Variants in USP36 observed in about 807,000 individuals in gnomAD.
USP36 encodes ubiquitin specific peptidase 36.
A neutral mutation model predicts 111.5 loss-of-function variants in USP36; 59 were observed. That is an observed-to-expected ratio of 0.53 (90% confidence interval 0.43 to 0.66). The LOEUF is 0.66. USP36 is among the 30% of genes least tolerant of loss of function. The probability of loss-of-function intolerance (pLI) is 0.00; values close to 1 mark genes in which losing one functional copy is unlikely to be tolerated. For synonymous variants in USP36, 628 were observed against 581.0 expected, an observed-to-expected ratio of 1.08 and a Z score of -1.16; for missense variants, 1,488 against 1,468.0, an observed-to-expected ratio of 1.01 and a Z score of -0.22.
Position 78,814,577 on chromosome 17 carries a change from C to G in USP36, c.1024-25G>C, listed in dbSNP as rs375216304. On this transcript the variant is annotated intron_variant, in intron 10 of 20. Transcript: ENST00000449938. Reference sequence around the variant, plus strand: ...CCTGTTTGAAAAATCAAGGAAAAGACAAATAAAATTCACTTTGAGAGTAAA... The same window carrying G: ...CCTGTTTGAAAAATCAAGGAAAAGAGAAATAAAATTCACTTTGAGAGTAAA... 3.9e-5 allele frequency: 62 copies of G among 1,604,900 alleles called. 1 individual carries two copies. In the East Asian group the frequency reaches 1.3e-3, roughly 33 times the overall value.
Position 78,804,625 on chromosome 17 carries a change from T to TAA in USP36, c.2217-649_2217-648dup, listed in dbSNP as rs35371422. On this transcript the variant is annotated intron_variant, in intron 15 of 20. Coordinates refer to ENST00000449938, the MANE Select transcript of USP36 (RefSeq NM_001385174.1). ...CTTAAAATAACTGATCCCTGAGATT[T>TAA]AAAAAAAAAAAAAAAAAAAAAAAAA... Among the ~76,000 whole-genome samples the TAA allele has an allele frequency of 4.8e-3, 185 of 38,348 alleles. 7 individuals are homozygous for TAA. Among genetic ancestry groups the TAA allele is most frequent in the African/African-American group, 0.019 (157 of 8,360 alleles). 25.2% of individuals were successfully genotyped at this position (38,348 alleles called of 152,430 possible). A position where few individuals can be genotyped will look rare whatever the true frequency, so the allele number is the denominator to read the frequency against.
chr17:78,825,083 C>A (rs2067415079), intron 6 of USP36, among the ~76,000 whole-genome samples: 1 of 152,166 alleles, frequency 6.6e-6, no homozygotes, highest in Non-Finnish European at 1.5e-5. Flanking sequence ...CTATTCCAAA[C>A]AGATGAAGGG....
intron 10 of USP36, among the ~76,000 whole-genome samples, chr17:78,816,572 G>A (rs761567636): frequency 1.3e-5 from 2 of 151,872 alleles, no homozygotes; most frequent in African/African-American, 4.8e-5. Flanking sequence ...ATTGCAGTGA[G>A]CTGAGATGGT....
At chr17:78,836,036 T>C in intron 3 of USP36, 75 bp downstream of exon 3, 2 of 1,559,002 alleles carry the variant, frequency 1.3e-6, no homozygotes, top group South Asian at 2.4e-5. Context: ...TCCTACTAAT[T>C]AGTCAATATT....
intron 15 of USP36, among the ~76,000 whole-genome samples, chr17:78,805,458 AG>A (rs1399868366): frequency 6.6e-6 from 1 of 152,154 alleles, no homozygotes; most frequent in Non-Finnish European, 1.5e-5. Context: ...TGGAGATTCT[AG>A]AACTAGAACC....
At chr17:78,820,891 T>C (rs1278000829) in intron 8 of USP36, 100 bp downstream of exon 8, 4 of 1,293,850 alleles carry the variant, frequency 3.1e-6, no homozygotes, top group Middle Eastern at 1.8e-4. Context: ...GTTTTCTCCC[T>C]ATCTATTTTG....
intron 12 of USP36, among the ~76,000 whole-genome samples, chr17:78,813,563 G>A (rs1010031340): frequency 6.6e-6 from 1 of 152,216 alleles, no homozygotes; most frequent in African/African-American, 2.4e-5. Context: ...CAGCATCAAT[G>A]TGAGGGCAGA....
intron 4 of USP36, 55 bp from the exon 5 acceptor site, chr17:78,829,062 G>A (rs2067843642): frequency 5.4e-6 from 8 of 1,494,172 alleles, no homozygotes; most frequent in Middle Eastern, 2.1e-4. Flanking sequence ...AAGAACTCAC[G>A]GTGAGGCCCC....
At chr17:78,817,357 A>C (rs1015408345) in intron 10 of USP36, among the ~76,000 whole-genome samples, 1 of 152,220 alleles carries the variant, frequency 6.6e-6, no homozygotes, top group Non-Finnish European at 1.5e-5. Flanking sequence ...ATGCTGACCT[A>C]AGCAAGCCCC....
chr17:78,800,580 C>G (rs1352845160), intron 17 of USP36, among the ~76,000 whole-genome samples: 1 of 152,242 alleles, frequency 6.6e-6, no homozygotes, highest in African/African-American at 2.4e-5. Flanking sequence ...GTCCCCTGCC[C>G]CCACACAGTG....
intron 4 of USP36, among the ~76,000 whole-genome samples, chr17:78,830,813 G>C (rs1454676884): frequency 4.0e-5 from 6 of 151,698 alleles, no homozygotes; most frequent in Admixed American, 3.9e-4. Flanking sequence ...ATAAAGGGGA[G>C]GTTTTTTTCA....
intron 6 of USP36, among the ~76,000 whole-genome samples, chr17:78,823,573 C>T (rs1310619319): frequency 6.6e-6 from 1 of 152,078 alleles, no homozygotes; most frequent in Non-Finnish European, 1.5e-5. Context: ...CAGGAGGTGG[C>T]CCGAGAGCCA....
intron 13 of USP36, among the ~76,000 whole-genome samples, chr17:78,808,555 G>A (rs139909760): frequency 3.5e-4 from 53 of 152,216 alleles, no homozygotes; most frequent in African/African-American, 8.2e-4. Flanking sequence ...CCTGCCTGTC[G>A]GCCTGTCTTT....
At chr17:78,838,391 A>C (rs1450227791) in intron 2 of USP36, among the ~76,000 whole-genome samples, 196 bp downstream of exon 2, 11 of 151,440 alleles carry the variant, frequency 7.3e-5, no homozygotes, top group Non-Finnish European at 1.5e-4. Context: ...AAAAAACAAA[A>C]AACAAAAAAC....
intron 3 of USP36, 60 bp downstream of exon 3, chr17:78,836,051 T>C (rs900349): frequency 0.53 from 840,560 of 1,585,992 alleles, 226,223 homozygotes; most frequent in Non-Finnish European, 0.55. Flanking sequence ...AATATTTAAG[T>C]CCATCCACTT....
At chr17:78,805,099 A>G (rs1024738231) in intron 15 of USP36, among the ~76,000 whole-genome samples, 4 of 152,108 alleles carry the variant, frequency 2.6e-5, no homozygotes, top group Admixed American at 6.6e-5. Context: ...CTCTAGGAAA[A>G]TTAACTTCCC....
chr17:78,807,508 C>A lies in USP36; in HGVS notation c.1536G>T (p.Gly512=). ...TCTGGGAGAGTTTGGGGGAAGGGGA[C>A]CCCGAGGGCAGCTTTGGAGGAATGC... is the stretch of plus-strand genomic sequence containing the variant. ...NGCIPPKLPS[G]SPSPKLSQTP... The change falls in exon 14 of 21, where the codon GGG becomes GGT. Residue 512 remains glycine, a synonymous_variant. Transcript: ENST00000449938. 3 of 1,613,894 alleles carry A rather than the reference C, an allele frequency of 1.9e-6. No individual in the cohort carries two copies. The highest frequency in any genetic ancestry group is 3.3e-5 in the Admixed American group (2 of 59,978).
intron 13 of USP36, among the ~76,000 whole-genome samples, chr17:78,811,130 CAAAAAAAAAAA>C (rs969048033): frequency 2.1e-4 from 6 of 28,364 alleles, no homozygotes; most frequent in Admixed American, 3.0e-4. Context: ...GACTCTGTCT[CAAAAAAAAAAA>C]AAAAAAAAAA....
chr17:78,799,060 T>C, intron 18 of USP36, 37 bp from the exon 19 acceptor site: 1 of 1,598,640 alleles, frequency 6.3e-7, no homozygotes, highest in Non-Finnish European at 8.6e-7. Flanking sequence ...CGAGTGCAGG[T>C]TCCCAGGTCC....
Sources: allele counts gnomAD v4.1 joint callset (sites outside exome capture counted in the v4.1 genomes callset), GRCh38; gene constraint gnomAD v4.1.1; transcripts MANE v1.5; gene names NCBI Gene and HGNC (gene_info 2026-07-23, HGNC 2026-07-21).